Variants in SREBF2 observed in about 807,000 individuals in gnomAD.
SREBF2 encodes sterol regulatory element binding transcription factor 2.
In SREBF2, 55 loss-of-function variants were observed where a neutral mutation model predicts 113.1. The observed-to-expected ratio is 0.49, with a 90% CI of 0.39 to 0.61. The LOEUF is 0.61. Among genes scored for constraint, SREBF2 ranks in the 20% least tolerant of loss-of-function variants. The pLI, the probability that SREBF2 is intolerant of heterozygous loss-of-function variation, is 0.00. For synonymous variants in SREBF2, 593 were observed against 605.7 expected (o/e 0.98, Z 0.31); for missense variants, 1,349 against 1,487.4 (o/e 0.91, Z 1.53).
intron 13 of SREBF2, among the ~76,000 whole-genome samples, chr22:41,895,925 C>T (rs1168715492): frequency 6.6e-6 from 1 of 151,772 alleles, no homozygotes; most frequent in Non-Finnish European, 1.5e-5. Context: ...GGGCAGATCA[C>T]GAGGTCAGGA....
In SREBF2 at chr22:41,902,771, C is replaced by T. The variant is rs12628192; in HGVS notation, c.2908-199C>T. 3.0e-3 allele frequency among the ~76,000 whole-genome samples: 463 copies of T among 152,340 alleles called. 11 individuals carry two copies. Among genetic ancestry groups the T allele is most frequent in the East Asian group, 0.022 (115 of 5,192 alleles). On this transcript the variant is annotated intron_variant, in intron 16 of 18. Transcript: ENST00000361204. ...AGAATGGGGAGGGCTTGTCTCCCAC[C>T]TCCTGGGGCCATGGAAGGAACTGGT...
At chr22:41,899,056 G>A (rs754069110) in intron 15 of SREBF2, 13 of 603,694 alleles carry the variant, frequency 2.2e-5, no homozygotes, top group East Asian at 1.9e-4. Flanking sequence ...CCTTCATGGC[G>A]CCACAGGCTG....
chr22:41,851,285 T>G (rs973567649), intron 1 of SREBF2, among the ~76,000 whole-genome samples: 1 of 152,318 alleles, frequency 6.6e-6, no homozygotes, highest in Admixed American at 6.5e-5. Context: ...ATATCAATAG[T>G]GCAACCACTG....
At chr22:41,887,011 G>T (rs1460573010) in intron 11 of SREBF2, among the ~76,000 whole-genome samples, 3 of 152,144 alleles carry the variant, frequency 2.0e-5, no homozygotes, top group Non-Finnish European at 4.4e-5. Flanking sequence ...TCCAGCCTGG[G>T]CAACAGAGCA....
intron 16 of SREBF2, 68 bp downstream of exon 16, chr22:41,900,566 A>C: frequency 6.6e-7 from 1 of 1,513,838 alleles, no homozygotes; most frequent in Admixed American, 1.8e-5. Flanking sequence ...ACTCCCACTC[A>C]CCTCATGCTG....
At chr22:41,858,740 C>T (rs1357554362) in intron 1 of SREBF2, among the ~76,000 whole-genome samples, 2 of 151,960 alleles carry the variant, frequency 1.3e-5, no homozygotes, top group Admixed American at 6.6e-5. Flanking sequence ...GAGTAAGACC[C>T]TGTCTCTAAA....
chr22:41,854,639 C>T (rs977700816), intron 1 of SREBF2, among the ~76,000 whole-genome samples: 6 of 151,572 alleles, frequency 4.0e-5, no homozygotes, highest in Admixed American at 1.3e-4. Flanking sequence ...GAGGCTGAGG[C>T]GGGCAGATCA....
Position 41,866,944 on chromosome 22 carries a change from G to GGCA in SREBF2, c.221_223dup (p.Ser74dup), listed in dbSNP as rs143615881. ...TAGTGGTAGCAGCAGCGGCAGCAGT[G>GGCA]GCAGCAGCAGCAGCAGCAGCAATGG... On this transcript the variant is annotated inframe_insertion, in exon 2 of 19. Transcript: ENST00000361204. 1.7e-4 allele frequency: 278 copies of GGCA among 1,613,242 alleles called. 3 individuals are homozygous for GGCA. Among genetic ancestry groups the GGCA allele is most frequent in the South Asian group, 1.5e-3 (138 of 91,058 alleles).
Position 41,893,201 on chromosome 22 carries a change from C to A in SREBF2, c.2293C>A (p.Leu765Met). ...PDSLRWLCHP[L>M]GQKFFMERSW... Reference sequence around the variant, plus strand: ...CTCCCTGCGCTGGCTCTGCCACCCCCTGGGCCAGAAGTTTTTCATGGAGCG... The same window carrying A: ...CTCCCTGCGCTGGCTCTGCCACCCCATGGGCCAGAAGTTTTTCATGGAGCG... Residue 765 changes from leucine (L) to methionine (M), a missense_variant, in exon 12 of 19, where the codon CTG becomes ATG. Leu to Met is a conservative substitution (Grantham distance 15). Coordinates refer to ENST00000361204, the MANE Select transcript of SREBF2 (RefSeq NM_004599.4). 6.2e-7 allele frequency: 1 copy of A among 1,614,206 alleles called. No individual in the cohort carries two copies. The highest frequency in any genetic ancestry group is 1.1e-5 in the South Asian group (1 of 91,090).
intron 11 of SREBF2, among the ~76,000 whole-genome samples, chr22:41,890,891 G>C (rs1367924179): frequency 1.3e-5 from 2 of 151,336 alleles, no homozygotes; most frequent in African/African-American, 2.4e-5. Flanking sequence ...CTGGGTGACA[G>C]AGCAAGACTC....
intron 1 of SREBF2, among the ~76,000 whole-genome samples, chr22:41,864,221 A>AGC (rs1181437584): frequency 1.2e-4 from 5 of 40,924 alleles, no homozygotes; most frequent in African/African-American, 3.5e-4. Context: ...TCCTTCTGCA[A>AGC]GCATATATAT....
intron 15 of SREBF2, 129 bp from the exon 16 acceptor site, chr22:41,900,201 C>T (rs897552247): frequency 5.6e-5 from 85 of 1,529,418 alleles, no homozygotes; most frequent in Middle Eastern, 2.3e-4. Flanking sequence ...GCCATAGTGG[C>T]AGCATTGGAG....
intron 16 of SREBF2, chr22:41,900,924 G>C: frequency 5.6e-6 from 3 of 537,088 alleles, no homozygotes; most frequent in South Asian, 4.3e-5. Flanking sequence ...TTGGCTGGCC[G>C]CATACCTCCT....
intron 12 of SREBF2, 83 bp downstream of exon 12, chr22:41,893,368 G>T: frequency 6.9e-7 from 1 of 1,444,888 alleles, no homozygotes; most frequent in Non-Finnish European, 9.7e-7. Context: ...CAGACACGCG[G>T]AGACACGGGT....
chr22:41,899,022 G>A, intron 15 of SREBF2: 1 of 641,678 alleles, frequency 1.6e-6, no homozygotes. Flanking sequence ...TGTCAGCACT[G>A]TGTCCGGGTC....
chr22:41,847,004 C>T (rs566613995), intron 1 of SREBF2, among the ~76,000 whole-genome samples: 1 of 152,300 alleles, frequency 6.6e-6, no homozygotes, highest in South Asian at 2.1e-4. Context: ...GCTCCCAGCC[C>T]AGAGTACATA....
intron 17 of SREBF2, among the ~76,000 whole-genome samples, chr22:41,903,459 G>C (rs999939092): frequency 3.9e-5 from 6 of 152,262 alleles, no homozygotes; most frequent in South Asian, 2.1e-4. Context: ...CACATGCTGG[G>C]TGGGAGGGCT....
At chr22:41,874,095 A>G in intron 5 of SREBF2, 76 bp downstream of exon 5, 2 of 1,485,234 alleles carry the variant, frequency 1.3e-6, no homozygotes, top group Non-Finnish European at 1.9e-6. Flanking sequence ...AGCCTAGAGA[A>G]GTCCCAGGCT....
intron 8 of SREBF2, 99 bp downstream of exon 8, chr22:41,877,520 A>G (rs985200236): frequency 2.9e-6 from 4 of 1,399,276 alleles, no homozygotes; most frequent in Admixed American, 2.0e-5. Flanking sequence ...CCAGGTCCCA[A>G]AGGGCTTTTA....
Sources: gnomAD v4.1 joint callset for allele counts (sites outside exome capture counted in the v4.1 genomes callset) on GRCh38, gnomAD v4.1.1 for gene constraint, MANE v1.5 for transcripts, NCBI Gene and HGNC (gene_info 2026-07-23, HGNC 2026-07-21) for gene names.